ALK: variants seen among roughly 807,000 people sequenced by gnomAD.
The protein encoded by ALK is ALK tyrosine kinase receptor.
A neutral mutation model predicts 163.1 loss-of-function variants in ALK; 74 were observed. That is an observed-to-expected ratio of 0.45 (90% CI 0.38 to 0.55). ALK has a LOEUF of 0.55. Among genes scored for constraint, ALK ranks in the 20% least tolerant of loss-of-function variants. The pLI, the probability that ALK is intolerant of heterozygous loss-of-function variation, is 0.00. For missense variants in ALK, 2,063 were observed against 2,105.3 expected (o/e 0.98, Z 0.39); for synonymous variants, 960 against 843.2 (o/e 1.14, Z -2.40).
At chr2:29,206,739 T>C (rs1669320364) in intron 26 of ALK, among the ~76,000 whole-genome samples, 1 of 151,968 alleles carries the variant, frequency 6.6e-6, no homozygotes, top group Non-Finnish European at 1.5e-5. Flanking sequence ...TGTTGTGTTC[T>C]TGCAGGGTTT....
At chr2:29,250,089 G>A (rs182985699) in intron 12 of ALK, among the ~76,000 whole-genome samples, 94 of 152,302 alleles carry the variant, frequency 6.2e-4, no homozygotes, top group South Asian at 5.8e-3. Flanking sequence ...CGGAGGCTGC[G>A]GGGAGAGGAG....
At chr2:29,479,443 C>T (rs1357745369) in intron 4 of ALK, among the ~76,000 whole-genome samples, 1 of 152,154 alleles carries the variant, frequency 6.6e-6, no homozygotes, top group Non-Finnish European at 1.5e-5. Flanking sequence ...ATTAAATATC[C>T]TATCTTACCA....
intron 3 of ALK, among the ~76,000 whole-genome samples, chr2:29,672,947 A>G (rs1251857743): frequency 7.7e-6 from 1 of 129,986 alleles, no homozygotes; most frequent in African/African-American, 3.2e-5. Flanking sequence ...GCATTTTTTC[A>G]TGTGTTTTTT....
chr2:29,415,150 G>A (rs1034136576), intron 4 of ALK, among the ~76,000 whole-genome samples: 1 of 148,190 alleles, frequency 6.7e-6, no homozygotes, highest in African/African-American at 2.5e-5. Flanking sequence ...AGAATGCCAT[G>A]GTCTGAAATC....
intron 20 of ALK, among the ~76,000 whole-genome samples, chr2:29,222,924 G>T (rs535653843): frequency 6.6e-6 from 1 of 152,242 alleles, no homozygotes; most frequent in East Asian, 1.9e-4. Flanking sequence ...GCTTTTCCCC[G>T]GGGGAGGTTC....
chr2:29,822,477 C>G (rs1558503833), intron 1 of ALK, among the ~76,000 whole-genome samples: 1 of 152,222 alleles, frequency 6.6e-6, no homozygotes, highest in Non-Finnish European at 1.5e-5. Context: ...CATGTATAGT[C>G]AAAGTCACAT....
intron 8 of ALK, among the ~76,000 whole-genome samples, chr2:29,301,415 G>T (rs1226161549): frequency 6.6e-6 from 1 of 152,114 alleles, no homozygotes; most frequent in African/African-American, 2.4e-5. Context: ...GTTCACAGTG[G>T]CTGTCAAGCA....
chr2:29,359,802 GTC>G (rs1222247942), intron 5 of ALK, among the ~76,000 whole-genome samples: 3 of 152,316 alleles, frequency 2.0e-5, no homozygotes, highest in African/African-American at 7.2e-5. Flanking sequence ...CTTCCCTCCT[GTC>G]TCTGTCTTGA....
intron 4 of ALK, among the ~76,000 whole-genome samples, chr2:29,517,060 C>A (rs1187351069): frequency 6.6e-6 from 1 of 152,206 alleles, no homozygotes; most frequent in African/African-American, 2.4e-5. Flanking sequence ...CTGTGTCAGG[C>A]ACTCTTTTGG....
intron 2 of ALK, among the ~76,000 whole-genome samples, chr2:29,709,535 A>C (rs1558453264): frequency 6.6e-6 from 1 of 152,232 alleles, no homozygotes; most frequent in Non-Finnish European, 1.5e-5. Flanking sequence ...CTTGACGTTT[A>C]AATGCTTAAC....
At chr2:29,692,088 A>G (rs1320061422) in intron 3 of ALK, among the ~76,000 whole-genome samples, 1 of 152,234 alleles carries the variant, frequency 6.6e-6, no homozygotes, top group Non-Finnish European at 1.5e-5. Flanking sequence ...TTACAAGCCC[A>G]GCTATGCCTC....
chr2:29,626,308 T>C (rs1410057935), intron 3 of ALK, among the ~76,000 whole-genome samples: 2 of 152,188 alleles, frequency 1.3e-5, no homozygotes, highest in Admixed American at 1.3e-4. Context: ...GTGGAGATAA[T>C]TGAATCATAA....
chr2:29,325,274 C>A (rs566485495), intron 6 of ALK, among the ~76,000 whole-genome samples: 26 of 152,300 alleles, frequency 1.7e-4, no homozygotes, highest in Non-Finnish European at 3.2e-4. Context: ...GGTTCCAGAC[C>A]ACCTGGAAAG....
intron 3 of ALK, among the ~76,000 whole-genome samples, chr2:29,646,054 G>C (rs1448603595): frequency 6.6e-6 from 1 of 152,000 alleles, no homozygotes; most frequent in East Asian, 1.9e-4. Flanking sequence ...CTGAGATCCA[G>C]GGCCCTTTAT....
At chr2:29,641,366 G>A (rs1384890050) in intron 3 of ALK, among the ~76,000 whole-genome samples, 3 of 152,072 alleles carry the variant, frequency 2.0e-5, no homozygotes, top group African/African-American at 7.2e-5. Context: ...TACCAGAAAA[G>A]AAAAGATGAC....
chr2:29,238,331 G>A (rs1228378969), intron 13 of ALK, among the ~76,000 whole-genome samples: 1 of 151,940 alleles, frequency 6.6e-6, no homozygotes, highest in Non-Finnish European at 1.5e-5. Flanking sequence ...TGAGTAGCTG[G>A]GACTACAGGT....
At chr2:29,550,155 A>T (rs960016914) in intron 3 of ALK, among the ~76,000 whole-genome samples, 1 of 152,236 alleles carries the variant, frequency 6.6e-6, no homozygotes, top group African/African-American at 2.4e-5. Flanking sequence ...AGTGCCTATT[A>T]GTCCCGAGCA....
At chr2:29,225,756 A>T (rs548508581) in intron 18 of ALK, among the ~76,000 whole-genome samples, 191 bp from the exon 19 acceptor site, 1 of 152,262 alleles carries the variant, frequency 6.6e-6, no homozygotes, top group East Asian at 1.9e-4. Context: ...ACAGGCTTTT[A>T]GCAGTAGCTT....
intron 3 of ALK, among the ~76,000 whole-genome samples, chr2:29,610,443 C>T (rs1442087310): frequency 2.6e-5 from 4 of 152,096 alleles, no homozygotes; most frequent in East Asian, 1.9e-4. Context: ...GGGTTTCATT[C>T]GTCTTAAATG....
Sources: gnomAD v4.1 joint callset for allele counts (sites outside exome capture counted in the v4.1 genomes callset) on GRCh38, gnomAD v4.1.1 for gene constraint, MANE v1.5 for transcripts, NCBI Gene and HGNC (gene_info 2026-07-23, HGNC 2026-07-21) for gene names.